Variants in NXPE2 observed in about 807,000 individuals in gnomAD.
NXPE2 encodes NXPE family member 2.
In NXPE2, 34 loss-of-function variants were observed where a neutral mutation model predicts 34.4. That is an observed-to-expected ratio of 0.99 (90% CI 0.75 to 1.31). The LOEUF (loss-of-function observed/expected upper bound fraction) is 1.31, where lower values mean the gene tolerates loss of function less well. Among genes scored for constraint, NXPE2 ranks in the 40% most tolerant of loss-of-function variants. The probability of loss-of-function intolerance (pLI) is 0.00; values close to 1 mark genes in which losing one functional copy is unlikely to be tolerated. For synonymous variants in NXPE2, 235 were observed against 231.3 expected (o/e 1.02, Z -0.15); for missense variants, 649 against 672.5 (o/e 0.97, Z 0.39).
the NXPE2 span, among the ~76,000 whole-genome samples, chr11:114,652,150 T>C: frequency 1.3e-5 from 2 of 152,186 alleles, no homozygotes. Context: ...TCTAGTAAGA[T>C]TCAGGATGGG....
chr11:114,663,100 C>T, the NXPE2 span, among the ~76,000 whole-genome samples: 1 of 152,172 alleles, frequency 6.6e-6, no homozygotes, highest in Non-Finnish European at 1.5e-5. Context: ...GGCCAGGCAT[C>T]ATTCACCAAA....
the NXPE2 span, among the ~76,000 whole-genome samples, chr11:114,805,016 G>A: frequency 6.6e-6 from 1 of 151,950 alleles, no homozygotes; most frequent in African/African-American, 2.4e-5. Context: ...TTCTTCTTTG[G>A]AGTGGGGGTC....
chr11:114,530,186 G>C, the NXPE2 span: 1 of 1,604,756 alleles, frequency 6.2e-7, no homozygotes, highest in South Asian at 1.1e-5. Context: ...TGTGGAAAAG[G>C]CTGTTTTCCT....
At chr11:114,737,701 G>C in the NXPE2 span, among the ~76,000 whole-genome samples, 2 of 152,100 alleles carry the variant, frequency 1.3e-5, no homozygotes, top group African/African-American at 2.4e-5. Context: ...GGGTTTGAGG[G>C]GTTCTCCTCT....
At chr11:114,484,406 C>T in the NXPE2 span, among the ~76,000 whole-genome samples, 3 of 152,162 alleles carry the variant, frequency 2.0e-5, no homozygotes, top group Non-Finnish European at 4.4e-5. Context: ...CTCTCTCCCT[C>T]TCTCTTTTTC....
chr11:114,512,421 A>G, the NXPE2 span, among the ~76,000 whole-genome samples: 1 of 152,130 alleles, frequency 6.6e-6, no homozygotes, highest in Admixed American at 6.5e-5. Context: ...AGGGTCCAGC[A>G]GGAAATGGAT....
downstream of NXPE2, chr11:114,707,340 C>A (rs1392519989): frequency 2.8e-6 from 1 of 353,652 alleles, no homozygotes; most frequent in African/African-American, 2.2e-5. Flanking sequence ...AGGTGATCTG[C>A]CCACCTCGGC....
chr11:114,476,031 A>G, the NXPE2 span, among the ~76,000 whole-genome samples: 1 of 152,306 alleles, frequency 6.6e-6, no homozygotes, highest in Admixed American at 6.5e-5. Context: ...TGAACTTTAT[A>G]TTGTATGCAG....
the NXPE2 span, among the ~76,000 whole-genome samples, chr11:114,734,295 A>G: frequency 2.0e-5 from 3 of 152,238 alleles, no homozygotes; most frequent in Non-Finnish European, 4.4e-5. Flanking sequence ...AATTTGGCAT[A>G]GTAAATTCTT....
At chr11:114,718,072 A>G in the NXPE2 span, among the ~76,000 whole-genome samples, 1 of 152,190 alleles carries the variant, frequency 6.6e-6, no homozygotes, top group African/African-American at 2.4e-5. Context: ...GAGCAACTCA[A>G]TATATAATTG....
At chr11:114,748,676 T>C in the NXPE2 span, among the ~76,000 whole-genome samples, 1 of 152,346 alleles carries the variant, frequency 6.6e-6, no homozygotes, top group East Asian at 1.9e-4. Context: ...GTTCTTCTTG[T>C]CACATGCCAT....
At chr11:114,603,829 A>C in the NXPE2 span, among the ~76,000 whole-genome samples, 2 of 146,942 alleles carry the variant, frequency 1.4e-5, no homozygotes, top group Non-Finnish European at 3.0e-5. Flanking sequence ...ACTCCTATTA[A>C]CTGGTGGATA....
the NXPE2 span, among the ~76,000 whole-genome samples, chr11:114,564,795 A>G: frequency 1.3e-5 from 2 of 152,324 alleles, no homozygotes; most frequent in South Asian, 2.1e-4. Flanking sequence ...CTAATTCTGG[A>G]AAGGAAAATC....
chr11:114,536,304 G>A, the NXPE2 span, among the ~76,000 whole-genome samples: 1 of 152,154 alleles, frequency 6.6e-6, no homozygotes, highest in African/African-American at 2.4e-5. Flanking sequence ...GAAATTTATA[G>A]CACTAAATGC....
the NXPE2 span, among the ~76,000 whole-genome samples, chr11:114,540,885 T>TG: frequency 2.5e-4 from 20 of 81,290 alleles, 4 homozygotes; most frequent in Non-Finnish European, 4.7e-4. Context: ...TTTTTTTTTT[T>TG]GGCTTGAACA....
At chr11:114,707,287 T>C (rs1438326096), downstream of NXPE2, 3 of 291,220 alleles carry the variant, frequency 1.0e-5, no homozygotes, top group Non-Finnish European at 2.0e-5. Context: ...GAGATGGGGT[T>C]TCACTATCTG....
chr11:114,777,469 C>T, the NXPE2 span, among the ~76,000 whole-genome samples: 2 of 152,182 alleles, frequency 1.3e-5, no homozygotes, highest in Non-Finnish European at 2.9e-5. Context: ...TCTTAACATT[C>T]TCAGGGCACA....
chr11:114,600,529 G>A, the NXPE2 span, among the ~76,000 whole-genome samples: 1 of 151,954 alleles, frequency 6.6e-6, no homozygotes, highest in Non-Finnish European at 1.5e-5. Flanking sequence ...AGAAAATTTT[G>A]CATAGAAAAA....
the NXPE2 span, among the ~76,000 whole-genome samples, chr11:114,671,167 T>C: frequency 6.6e-6 from 1 of 150,700 alleles, no homozygotes; most frequent in Non-Finnish European, 1.5e-5. Flanking sequence ...TAACTAGTGA[T>C]ACTTAACAGT....
Sources: allele counts gnomAD v4.1 joint callset (sites outside exome capture counted in the v4.1 genomes callset), GRCh38; gene constraint gnomAD v4.1.1; transcripts MANE v1.5; gene names NCBI Gene and HGNC (gene_info 2026-07-23, HGNC 2026-07-21).